BMAL1: variants seen among roughly 807,000 people sequenced by gnomAD.
The protein encoded by BMAL1 is basic helix-loop-helix ARNT like 1.
At chr11:13,356,806 A>C in the BMAL1 span, 1 of 1,614,070 alleles carries the variant, frequency 6.2e-7, no homozygotes, top group Non-Finnish European at 8.5e-7. Context: ...TTTGAACTTC[A>C]GCATCCTTAT....
At chr11:13,315,085 G>A in the BMAL1 span, among the ~76,000 whole-genome samples, 1 of 152,204 alleles carries the variant, frequency 6.6e-6, no homozygotes, top group Non-Finnish European at 1.5e-5. Flanking sequence ...GGGCCTCACA[G>A]TAATCTAGGA....
At chr11:13,366,791 C>T in the BMAL1 span, 1 of 1,609,424 alleles carries the variant, frequency 6.2e-7, no homozygotes, top group Admixed American at 1.7e-5. Flanking sequence ...AAGTGAGTAC[C>T]AGAGAGGCCT....
the BMAL1 span, among the ~76,000 whole-genome samples, chr11:13,349,156 C>G: frequency 1.3e-5 from 2 of 152,206 alleles, no homozygotes; most frequent in Non-Finnish European, 2.9e-5. Context: ...AACCCTGTTT[C>G]AGAATTTCTT....
At chr11:13,374,074 T>C in the BMAL1 span, 1 of 1,603,494 alleles carries the variant, frequency 6.2e-7, no homozygotes, top group Non-Finnish European at 8.5e-7. Context: ...CTTCTTTAAA[T>C]ATTCCTTTAT....
the BMAL1 span, among the ~76,000 whole-genome samples, chr11:13,348,304 G>T: frequency 6.6e-6 from 1 of 152,192 alleles, no homozygotes; most frequent in African/African-American, 2.4e-5. Flanking sequence ...TTGGGCTGAA[G>T]ACTAAGCAGT....
chr11:13,316,301 A>G, the BMAL1 span, among the ~76,000 whole-genome samples: 1 of 152,232 alleles, frequency 6.6e-6, no homozygotes, highest in Non-Finnish European at 1.5e-5. Context: ...AAGCTGCTTC[A>G]TGGTGCAGTT....
At chr11:13,308,767 A>G in the BMAL1 span, among the ~76,000 whole-genome samples, 2 of 152,224 alleles carry the variant, frequency 1.3e-5, no homozygotes, top group African/African-American at 4.8e-5. Flanking sequence ...AATAAATCTG[A>G]GAAAGATGTG....
At chr11:13,385,463 T>C in the BMAL1 span, among the ~76,000 whole-genome samples, 2 of 152,224 alleles carry the variant, frequency 1.3e-5, no homozygotes, top group East Asian at 1.9e-4. Flanking sequence ...ATTCAGCCTT[T>C]AAGTTGCCTC....
At chr11:13,278,996 G>C in the BMAL1 span, among the ~76,000 whole-genome samples, 2,381 of 152,268 alleles carry the variant, frequency 0.016, 27 homozygotes, top group African/African-American at 0.032. Context: ...GAGCTGGGGA[G>C]GGAAGGGGAG....
chr11:13,306,981 C>T, the BMAL1 span, among the ~76,000 whole-genome samples: 2 of 152,210 alleles, frequency 1.3e-5, no homozygotes, highest in Non-Finnish European at 2.9e-5. Flanking sequence ...TTCTCTACAT[C>T]TAGGTATCAG....
At chr11:13,383,250 A>G in the BMAL1 span, among the ~76,000 whole-genome samples, 4 of 152,224 alleles carry the variant, frequency 2.6e-5, no homozygotes, top group East Asian at 7.7e-4. Flanking sequence ...CAGAAGCACT[A>G]AGGAAAATTC....
the BMAL1 span, among the ~76,000 whole-genome samples, chr11:13,326,662 C>G: frequency 2.2e-4 from 33 of 151,760 alleles, no homozygotes; most frequent in African/African-American, 7.7e-4. Flanking sequence ...TTTTTTTAAC[C>G]TTTTTCACAT....
chr11:13,330,690 T>C, the BMAL1 span, among the ~76,000 whole-genome samples: 1 of 152,264 alleles, frequency 6.6e-6, no homozygotes, highest in Non-Finnish European at 1.5e-5. Flanking sequence ...TAGAATAGTA[T>C]ACTTATGTTC....
the BMAL1 span, among the ~76,000 whole-genome samples, chr11:13,327,024 G>C: frequency 6.6e-6 from 1 of 151,872 alleles, no homozygotes; most frequent in East Asian, 2.0e-4. Flanking sequence ...GTTTCACCGT[G>C]TTAGCCAGGA....
the BMAL1 span, among the ~76,000 whole-genome samples, chr11:13,326,793 CCAGA>C: frequency 6.6e-6 from 1 of 151,230 alleles, no homozygotes; most frequent in Non-Finnish European, 1.5e-5. Flanking sequence ...AATGAAATGA[CCAGA>C]CATAGTGGCT....
chr11:13,368,369 CTG>C, the BMAL1 span, among the ~76,000 whole-genome samples: 1 of 152,334 alleles, frequency 6.6e-6, no homozygotes, highest in African/African-American at 2.4e-5. Context: ...AGGAAACAAT[CTG>C]TGCACAGGTG....
chr11:13,296,172 C>G, the BMAL1 span, among the ~76,000 whole-genome samples: 1 of 152,324 alleles, frequency 6.6e-6, no homozygotes, highest in African/African-American at 2.4e-5. Flanking sequence ...CTTTTGTCCC[C>G]TCCTTCTGGG....
At chr11:13,311,164 A>C in the BMAL1 span, among the ~76,000 whole-genome samples, 1 of 152,258 alleles carries the variant, frequency 6.6e-6, no homozygotes, top group Non-Finnish European at 1.5e-5. Context: ...TCAAGATAAC[A>C]GTGGTTCATC....
the BMAL1 span, among the ~76,000 whole-genome samples, chr11:13,300,010 A>G: frequency 2.2e-4 from 33 of 152,134 alleles, no homozygotes; most frequent in Non-Finnish European, 4.4e-4. Context: ...AACATAGGGA[A>G]AGTTCCCTTC....
Sources: allele counts gnomAD v4.1 joint callset (sites outside exome capture counted in the v4.1 genomes callset), GRCh38; gene constraint gnomAD v4.1.1; transcripts MANE v1.5; gene names NCBI Gene and HGNC (gene_info 2026-07-23, HGNC 2026-07-21).